The following FAM13A variants were observed in gnomAD, a reference collection of about 807,000 sequenced individuals.
FAM13A encodes family with sequence similarity 13 member A.
Under a neutral mutation model 129.6 loss-of-function variants are expected in FAM13A, and 76 were observed. That is an observed-to-expected ratio of 0.59 (90% CI 0.49 to 0.71). FAM13A has a LOEUF of 0.71. Ranked by LOEUF, FAM13A falls within the 30% of genes least tolerant of loss-of-function variation. The pLI, the probability that FAM13A is intolerant of heterozygous loss-of-function variation, is 0.00. For missense variants in FAM13A, 1,108 were observed against 1,249.3 expected (o/e 0.89, Z 1.70); for synonymous variants, 443 against 449.9 (o/e 0.98, Z 0.20).
chr4:88,741,848 C>G (rs1488281192), intron 19 of FAM13A, among the ~76,000 whole-genome samples: 2 of 152,164 alleles, frequency 1.3e-5, no homozygotes, highest in Non-Finnish European at 2.9e-5. Context: ...ATAAGGGATA[C>G]TCAACCTGTA....
intron 7 of FAM13A, among the ~76,000 whole-genome samples, chr4:88,816,970 A>C (rs1730851570): frequency 1.3e-5 from 2 of 152,208 alleles, no homozygotes; most frequent in South Asian, 2.1e-4. Context: ...AAAAGGTGGA[A>C]ATAACCCAAA....
In FAM13A at chr4:89,007,527, C is replaced by T. The variant is rs537295917; in HGVS notation, c.427+12933G>A. ...TGCCAACCTCTTGACCACAACTTCC[C>T]GAGACCTTGAACCAGAACTGCCCAG... On this transcript the variant is annotated intron_variant, in intron 3 of 23. Transcript: ENST00000264344. 7.2e-5 allele frequency among the ~76,000 whole-genome samples: 11 copies of T among 152,282 alleles called. No individual in the cohort carries two copies. The South Asian group carries it at 1.7e-3, about 23-fold the overall frequency.
intron 1 of FAM13A, among the ~76,000 whole-genome samples, chr4:89,040,046 CTT>C (rs555893929): frequency 1.4e-3 from 209 of 152,082 alleles, no homozygotes; most frequent in Middle Eastern, 3.4e-3. Flanking sequence ...GACAGTGTAA[CTT>C]TAAATATTTT....
intron 3 of FAM13A, among the ~76,000 whole-genome samples, chr4:89,007,936 C>G (rs927541391): frequency 2.0e-5 from 3 of 152,116 alleles, no homozygotes; most frequent in African/African-American, 7.2e-5. Flanking sequence ...ATCAGTCACT[C>G]GAACAAGTAT....
At chr4:89,056,137 A>G (rs560275506) in intron 1 of FAM13A, among the ~76,000 whole-genome samples, 39 of 152,218 alleles carry the variant, frequency 2.6e-4, no homozygotes, top group Non-Finnish European at 4.9e-4. Flanking sequence ...ATGGAATACA[A>G]TAGCAACTTG....
chr4:88,922,717 G>A (rs1751342487), intron 5 of FAM13A, among the ~76,000 whole-genome samples: 1 of 152,158 alleles, frequency 6.6e-6, no homozygotes, highest in African/African-American at 2.4e-5. Context: ...AGAACTGAAG[G>A]AAATAGAGAC....
intron 21 of FAM13A, 41 bp downstream of exon 21, chr4:88,737,431 T>C (rs1421169611): frequency 1.3e-6 from 2 of 1,544,902 alleles, no homozygotes; most frequent in South Asian, 2.2e-5. Flanking sequence ...GGGAGGGAAC[T>C]GGTGCGGATT....
chr4:89,046,703 T>A (rs1354346926), intron 1 of FAM13A, among the ~76,000 whole-genome samples: 1 of 151,842 alleles, frequency 6.6e-6, no homozygotes, highest in Non-Finnish European at 1.5e-5. Flanking sequence ...ATACAAAAAT[T>A]AGCCGGGTGT....
chr4:88,772,370 G>GA (rs376666296), intron 11 of FAM13A, among the ~76,000 whole-genome samples: 1 of 152,302 alleles, frequency 6.6e-6, no homozygotes, highest in African/African-American at 2.4e-5. Context: ...AGATGCCTAA[G>GA]AAAGAGTTTG....
chr4:89,054,935 A>T (rs1019480480), intron 1 of FAM13A, among the ~76,000 whole-genome samples: 1 of 152,072 alleles, frequency 6.6e-6, no homozygotes, highest in African/African-American at 2.4e-5. Context: ...ACCTCTCTAA[A>T]ATTACCTGCA....
At chr4:88,941,004 A>G (rs1754670867) in intron 4 of FAM13A, among the ~76,000 whole-genome samples, 1 of 152,224 alleles carries the variant, frequency 6.6e-6, no homozygotes, top group South Asian at 2.1e-4. Flanking sequence ...GCAGGTTGAT[A>G]AAACTACTCA....
In FAM13A at chr4:88,894,546, C is replaced by A. The variant is rs140615724; in HGVS notation, c.843+11833G>T. Among the ~76,000 whole-genome samples, 824 of 152,254 alleles carry A rather than the reference C, an allele frequency of 5.4e-3. 4 individuals carry two copies. Among genetic ancestry groups the A allele is most frequent in the Non-Finnish European group, 9.5e-3 (643 of 68,016 alleles). On this transcript the variant is annotated intron_variant, in intron 6 of 23. Coordinates refer to ENST00000264344, the MANE Select transcript of FAM13A (RefSeq NM_014883.4). ...TTAATTTTATTTTTATTTTTTGATA[C>A]AGAGTCTCACTCTGTCACTCAGGCT...
intron 1 of FAM13A, among the ~76,000 whole-genome samples, chr4:89,038,681 C>A (rs539423749): frequency 6.6e-6 from 1 of 152,192 alleles, no homozygotes; most frequent in South Asian, 2.1e-4. Context: ...ATCTCTGAAT[C>A]TGTAATAAGT....
In FAM13A at chr4:89,029,577, C is replaced by T. The variant is rs770126777; in HGVS notation, c.100G>A (p.Asp34Asn). 1 of 1,591,820 alleles carries T rather than the reference C, an allele frequency of 6.3e-7. No homozygotes were observed. The highest frequency in any genetic ancestry group is 8.5e-7 in the Non-Finnish European group (1 of 1,173,306). ...IVAVPLNEQK[D>N]FTYQKLFGVS... ...CCAAATAACTTCTGATAGGTAAAAT[C>T]CTTCTGTTCATTTAATGGCACTGCC... The change falls in exon 2 of 24, where the codon GAT (aspartate) becomes AAT (asparagine). Residue 34 changes from aspartate to asparagine, a missense_variant. Asp to Asn is a conservative substitution (Grantham distance 23). Transcript: ENST00000264344.
At chr4:88,750,662 A>G (rs1742390777) in intron 14 of FAM13A, 25 bp from the exon 15 acceptor site, 1 of 1,461,312 alleles carries the variant, frequency 6.8e-7, no homozygotes, top group African/African-American at 1.5e-5. Context: ...CAGTAAGATC[A>G]GGACTGTTCC....
intron 11 of FAM13A, among the ~76,000 whole-genome samples, chr4:88,774,763 A>G (rs1222552406): frequency 6.6e-6 from 1 of 152,214 alleles, no homozygotes; most frequent in Non-Finnish European, 1.5e-5. Flanking sequence ...TTTTTTTAAA[A>G]AGCAGAATCA....
chr4:88,836,955 A>G (rs1340935094), intron 7 of FAM13A, among the ~76,000 whole-genome samples: 1 of 137,964 alleles, frequency 7.2e-6, no homozygotes, highest in Non-Finnish European at 1.6e-5. Context: ...GTGAAACTCC[A>G]TCTCAAGAAA....
intron 5 of FAM13A, among the ~76,000 whole-genome samples, chr4:88,933,987 G>A (rs72665835): frequency 0.12 from 17,816 of 151,972 alleles, 1,343 homozygotes; most frequent in Non-Finnish European, 0.16. Context: ...CTTGCTCATG[G>A]TAATCCAACT....
intron 5 of FAM13A, among the ~76,000 whole-genome samples, chr4:88,918,619 T>C (rs1331922021): frequency 6.6e-6 from 1 of 152,230 alleles, no homozygotes; most frequent in Admixed American, 6.5e-5. Context: ...ACAAATAATC[T>C]TTTGTGTACA....
Sources: allele counts gnomAD v4.1 joint callset (sites outside exome capture counted in the v4.1 genomes callset), GRCh38; gene constraint gnomAD v4.1.1; transcripts MANE v1.5; gene names NCBI Gene and HGNC (gene_info 2026-07-23, HGNC 2026-07-21).